The following ASCC3 variants were observed in gnomAD, a reference collection of about 807,000 sequenced individuals.
The protein encoded by ASCC3 is activating signal cointegrator 1 complex subunit 3.
In ASCC3, 158 loss-of-function variants were observed where a neutral mutation model predicts 256.3. The ratio of observed to expected loss-of-function variants is 0.62; its 90% CI spans 0.54 to 0.70. The LOEUF (loss-of-function observed/expected upper bound fraction) is 0.70, where lower values mean the gene tolerates loss of function less well. ASCC3 is among the 30% of genes least tolerant of loss of function. The pLI is 0.00. For missense variants in ASCC3, 2,259 were observed against 2,626.0 expected (o/e 0.86, Z 3.05); for synonymous variants, 948 against 883.4 (o/e 1.07, Z -1.30).
chr6:100,872,333 A>T (rs1773782411), intron 1 of ASCC3, among the ~76,000 whole-genome samples: 2 of 152,092 alleles, frequency 1.3e-5, no homozygotes, highest in African/African-American at 4.8e-5. Flanking sequence ...AACCTAGCAA[A>T]TCCTAACAAG....
chr6:100,665,637 G>A (rs1776431594), intron 14 of ASCC3, among the ~76,000 whole-genome samples: 1 of 151,890 alleles, frequency 6.6e-6, no homozygotes, highest in South Asian at 2.1e-4. Flanking sequence ...TTACTCGGGA[G>A]GCTGAGGCAA....
intron 10 of ASCC3, among the ~76,000 whole-genome samples, chr6:100,759,400 T>G (rs1246429385): frequency 6.6e-6 from 1 of 152,206 alleles, no homozygotes; most frequent in Admixed American, 6.5e-5. Flanking sequence ...TAATTCATCT[T>G]GAGTTAATTT....
chr6:100,640,079 C>T (rs1300158560), intron 24 of ASCC3, among the ~76,000 whole-genome samples: 3 of 152,104 alleles, frequency 2.0e-5, no homozygotes, highest in Non-Finnish European at 4.4e-5. Flanking sequence ...CATCCCACTT[C>T]ACTTCAGCCT....
At chr6:100,641,564 T>C (rs1055988126) in intron 24 of ASCC3, among the ~76,000 whole-genome samples, 24 of 152,198 alleles carry the variant, frequency 1.6e-4, no homozygotes, top group African/African-American at 5.8e-4. Context: ...ACACTGTTGG[T>C]GGGACTGTAA....
Position 100,586,280 on chromosome 6 carries a change from G to C in ASCC3, c.5550+3354C>G, listed in dbSNP as rs549712754. ...AGCTTTGTTTACCTAAGCAAGCCTG[G>C]GCAATGGCGGGTGACCCTTCCCCAG... On this transcript the variant is annotated intron_variant, in intron 36 of 41. Transcript: ENST00000369162. Among the ~76,000 whole-genome samples the C allele has an allele frequency of 8.5e-5, 13 of 152,268 alleles. No individual in the cohort carries two copies. In the East Asian group the frequency reaches 1.4e-3, roughly 16 times the overall value.
Position 100,655,825 on chromosome 6 carries a change from AT to A in ASCC3, c.2704-8del, listed in dbSNP as rs751020330. 1.2e-6 allele frequency: 2 copies of A among 1,610,192 alleles called. No homozygotes were observed. The highest frequency in any genetic ancestry group is 1.7e-6 in the Non-Finnish European group (2 of 1,178,774). On this transcript the variant is annotated splice_region_variant and splice_polypyrimidine_tract_variant and intron_variant, in intron 16 of 41. Transcript: ENST00000369162. ...TAACTGTTCCCAGAGCAATCTGCAAATCAAAAAGATGACAGAAATTAATGTA... is the reference window on the plus strand; with the variant it reads ...TAACTGTTCCCAGAGCAATCTGCAAACAAAAAGATGACAGAAATTAATGTA...
At chr6:100,512,026 T>C (rs1773789903) in intron 40 of ASCC3, among the ~76,000 whole-genome samples, 1 of 152,216 alleles carries the variant, frequency 6.6e-6, no homozygotes, top group African/African-American at 2.4e-5. Context: ...TCTGCCCACC[T>C]GCTGTGTACT....
At chr6:100,829,581 C>T (rs1237807611) in intron 4 of ASCC3, among the ~76,000 whole-genome samples, 2 of 152,128 alleles carry the variant, frequency 1.3e-5, no homozygotes, top group African/African-American at 4.8e-5. Context: ...TCCCTCCACA[C>T]CTCCCCGCAA....
intron 4 of ASCC3, among the ~76,000 whole-genome samples, chr6:100,826,345 C>G (rs1013912575): frequency 2.0e-5 from 3 of 152,110 alleles, no homozygotes; most frequent in Admixed American, 6.6e-5. Flanking sequence ...ATTGGCCAGG[C>G]TGGTCTCAAA....
In ASCC3 at chr6:100,661,902, C is replaced by T. The variant is rs373970821; in HGVS notation, c.2607G>A (p.Thr869=). 35 of 1,613,202 alleles carry T rather than the reference C, an allele frequency of 2.2e-5. No homozygotes were observed. Among genetic ancestry groups the T allele is most frequent in the East Asian group, 6.7e-5 (3 of 44,870 alleles). The part of the protein sequence containing the change: ...DKFGEGIIIT[T]HDKLSHYLTL... ...TGAGGTAATGGCTGAGTTTATCATG[C>T]GTTGTTATAATTATTCCTTCCCCAA... Residue 869 remains threonine, a synonymous_variant, in exon 16 of 42, where the codon ACG becomes ACA. Coordinates refer to ENST00000369162, the MANE Select transcript of ASCC3 (RefSeq NM_006828.4).
At position 100,718,058 on chromosome 6, in the gene ASCC3, T is replaced by C; in HGVS notation, c.2079+17A>G. ...CAACAAAAATATTTTTAGATAAGAA[T>C]TAAAATGAGTATTTACCTTATTTGC... On this transcript the variant is annotated intron_variant, in intron 12 of 41. Coordinates refer to ENST00000369162, the MANE Select transcript of ASCC3 (RefSeq NM_006828.4). 1 of 1,609,132 alleles carries C rather than the reference T, an allele frequency of 6.2e-7. No homozygotes were observed. The highest frequency in any genetic ancestry group is 8.5e-7 in the Non-Finnish European group (1 of 1,176,506).
intron 4 of ASCC3, among the ~76,000 whole-genome samples, chr6:100,838,619 G>A (rs971853713): frequency 1.3e-5 from 2 of 151,856 alleles, no homozygotes; most frequent in Admixed American, 1.3e-4. Flanking sequence ...TAAAACCAAG[G>A]TCACTTACAA....
intron 8 of ASCC3, among the ~76,000 whole-genome samples, chr6:100,772,748 C>A (rs1306764368): frequency 2.0e-5 from 3 of 152,086 alleles, no homozygotes; most frequent in Admixed American, 1.3e-4. Context: ...AGTCAGAGAC[C>A]CAAGTTAAAA....
intron 10 of ASCC3, among the ~76,000 whole-genome samples, chr6:100,740,033 A>T (rs1423734902): frequency 4.6e-5 from 7 of 152,186 alleles, no homozygotes; most frequent in South Asian, 4.1e-4. Flanking sequence ...TAGGCTGTTA[A>T]TCGGAGGTAT....
chr6:100,709,755 A>G (rs1455121586), intron 13 of ASCC3, among the ~76,000 whole-genome samples: 2 of 152,196 alleles, frequency 1.3e-5, no homozygotes, highest in Non-Finnish European at 2.9e-5. Context: ...AATAATTAAT[A>G]TTAAGTTTGA....
chr6:100,848,841 G>A, intron 3 of ASCC3, 134 bp from the exon 4 acceptor site: 1 of 851,122 alleles, frequency 1.2e-6, no homozygotes, highest in Non-Finnish European at 1.9e-6. Flanking sequence ...AGGTGTAATG[G>A]CTCCATATAA....
intron 17 of ASCC3, 29 bp downstream of exon 17, chr6:100,655,670 A>AT (rs576992402): frequency 5.2e-4 from 782 of 1,513,640 alleles, no homozygotes; most frequent in Middle Eastern, 5.1e-4. Context: ...GAAGGTCTGA[A>AT]TTTTTTTTTT....
intron 14 of ASCC3, among the ~76,000 whole-genome samples, chr6:100,665,564 A>T (rs557957192): frequency 6.6e-6 from 1 of 151,108 alleles, no homozygotes; most frequent in African/African-American, 2.4e-5. Context: ...CTCTACTAAC[A>T]AAAACAAACA....
chr6:100,518,855 AC>A (rs1475397877), intron 37 of ASCC3, among the ~76,000 whole-genome samples: 4 of 152,170 alleles, frequency 2.6e-5, no homozygotes, highest in Admixed American at 2.6e-4. Flanking sequence ...GAGAATGCTG[AC>A]TTAAAGACAC....
Sources: allele counts gnomAD v4.1 joint callset (sites outside exome capture counted in the v4.1 genomes callset), GRCh38; gene constraint gnomAD v4.1.1; transcripts MANE v1.5; gene names NCBI Gene and HGNC (gene_info 2026-07-23, HGNC 2026-07-21).